LDLRAD4: variants seen among roughly 807,000 people sequenced by gnomAD.
LDLRAD4 encodes the protein low-density lipoprotein receptor class A domain-containing protein 4.
In LDLRAD4, 5 loss-of-function variants were observed where a neutral mutation model predicts 17.0. That is an observed-to-expected ratio of 0.29 (90% CI 0.15 to 0.62). The LOEUF is 0.62. Among genes scored for constraint, LDLRAD4 ranks in the 20% least tolerant of loss-of-function variants. The probability of loss-of-function intolerance (pLI) is 0.84; values close to 1 mark genes in which losing one functional copy is unlikely to be tolerated. For synonymous variants in LDLRAD4, 168 were observed against 171.8 expected (o/e 0.98, Z 0.17); for missense variants, 340 against 424.7 (o/e 0.80, Z 1.75).
chr18:13,553,310 G>T (rs915593235), intron 3 of LDLRAD4, among the ~76,000 whole-genome samples: 4 of 152,166 alleles, frequency 2.6e-5, no homozygotes, highest in Admixed American at 6.5e-5. Context: ...TCCAGCAGAA[G>T]GATCATTTTG....
chr18:13,376,127 A>T (rs2085047), intron 1 of LDLRAD4, among the ~76,000 whole-genome samples: 2 of 151,776 alleles, frequency 1.3e-5, no homozygotes, highest in African/African-American at 4.8e-5. Flanking sequence ...CTGTTGCGGG[A>T]AAGCTGCCCC....
chr18:13,321,717 G>A (rs1054889149), intron 1 of LDLRAD4, among the ~76,000 whole-genome samples: 3 of 151,748 alleles, frequency 2.0e-5, no homozygotes, highest in Admixed American at 6.6e-5. Context: ...AAAATTAGCC[G>A]TTGTGTGGTG....
intron 1 of LDLRAD4, among the ~76,000 whole-genome samples, chr18:13,351,601 G>T (rs962271838): frequency 1.3e-5 from 2 of 152,080 alleles, no homozygotes; most frequent in African/African-American, 4.8e-5. Context: ...CCAATAACAA[G>T]TTCTGAAATT....
intron 2 of LDLRAD4, among the ~76,000 whole-genome samples, chr18:13,394,697 G>A (rs2145372062): frequency 6.6e-6 from 1 of 152,334 alleles, no homozygotes; most frequent in Non-Finnish European, 1.5e-5. Flanking sequence ...CAGTTTGAAT[G>A]CTGGCTCTAC....
chr18:13,387,563 G>A (rs558352822), exon 2 of LDLRAD4: 23 of 660,176 alleles, frequency 3.5e-5, no homozygotes, highest in Admixed American at 1.4e-4. Flanking sequence ...CCGCCCGCCC[G>A]CGCGAGAGCC....
At chr18:13,571,036 C>T (rs2094682342) in intron 3 of LDLRAD4, among the ~76,000 whole-genome samples, 1 of 151,792 alleles carries the variant, frequency 6.6e-6, no homozygotes, top group Admixed American at 6.6e-5. Context: ...CCCAGGCTGG[C>T]CTCAAACTCC....
intron 1 of LDLRAD4, among the ~76,000 whole-genome samples, chr18:13,282,121 C>T (rs1247964141): frequency 6.6e-6 from 1 of 152,134 alleles, no homozygotes; most frequent in Non-Finnish European, 1.5e-5. Context: ...AAGACTGGCC[C>T]CCATGATTCA....
chr18:13,549,597 G>C lies in LDLRAD4; in HGVS notation c.182-71520G>C, dbSNP rs1405148296. ...GAATCTGAGTGTCTGAGCTGTGAGC[G>C]TGAAACATAGAAAGGCCGTGGCTAC... is the stretch of plus-strand genomic sequence containing the variant. On this transcript the variant is annotated intron_variant, in intron 3 of 5. Coordinates refer to ENST00000359446, the Ensembl canonical transcript of LDLRAD4. Among the ~76,000 whole-genome samples, 4 of 151,782 alleles carry C rather than the reference G, an allele frequency of 2.6e-5. No homozygotes were observed. In the East Asian group the frequency reaches 7.7e-4, roughly 29 times the overall value.
At chr18:13,641,285 A>T (rs2042526944) in intron 4 of LDLRAD4, among the ~76,000 whole-genome samples, 3 of 152,176 alleles carry the variant, frequency 2.0e-5, no homozygotes, top group Non-Finnish European at 4.4e-5. Flanking sequence ...GATGGATTAG[A>T]TGGATGGATA....
intron 1 of LDLRAD4, among the ~76,000 whole-genome samples, chr18:13,252,969 A>G (rs1881227258): frequency 6.6e-6 from 1 of 152,196 alleles, no homozygotes; most frequent in Non-Finnish European, 1.5e-5. Context: ...CTGTGAGCAG[A>G]TGGCATGAGA....
At chr18:13,255,656 A>T (rs1174405918) in intron 1 of LDLRAD4, among the ~76,000 whole-genome samples, 1 of 152,116 alleles carries the variant, frequency 6.6e-6, no homozygotes, top group Non-Finnish European at 1.5e-5. Flanking sequence ...GTCTCTGGGG[A>T]ATAGATCACG....
At chr18:13,441,932 C>T (rs930276795) in intron 3 of LDLRAD4, among the ~76,000 whole-genome samples, 81 of 152,252 alleles carry the variant, frequency 5.3e-4, no homozygotes, top group African/African-American at 1.7e-3. Context: ...GAGGTCTGGG[C>T]TGACATCCAT....
chr18:13,393,627 G>A (rs1568092575), intron 2 of LDLRAD4, among the ~76,000 whole-genome samples: 1 of 152,162 alleles, frequency 6.6e-6, no homozygotes, highest in African/African-American at 2.4e-5. Flanking sequence ...TCATGAGACC[G>A]TCTCCCTGCC....
At chr18:13,393,197 C>T (rs1462141281) in intron 2 of LDLRAD4, among the ~76,000 whole-genome samples, 1 of 152,172 alleles carries the variant, frequency 6.6e-6, no homozygotes, top group Non-Finnish European at 1.5e-5. Context: ...TCCAGAGCTG[C>T]CCAGAGAATG....
chr18:13,369,118 G>T (rs182623846), intron 1 of LDLRAD4, among the ~76,000 whole-genome samples: 1 of 152,226 alleles, frequency 6.6e-6, no homozygotes, highest in African/African-American at 2.4e-5. Flanking sequence ...ACTGGCTATG[G>T]GAGGACCGTG....
chr18:13,288,988 A>G (rs2045812444), intron 1 of LDLRAD4, among the ~76,000 whole-genome samples: 1 of 152,240 alleles, frequency 6.6e-6, no homozygotes, highest in South Asian at 2.1e-4. Flanking sequence ...GGCACTGTGG[A>G]AACAGCCTCA....
intron 3 of LDLRAD4, among the ~76,000 whole-genome samples, chr18:13,516,459 G>C (rs1257286968): frequency 5.3e-5 from 8 of 152,172 alleles, no homozygotes; most frequent in Non-Finnish European, 1.2e-4. Flanking sequence ...CTGTGCCTCT[G>C]AGGCCGTCGG....
In LDLRAD4 at chr18:13,421,830, A is replaced by G. The variant is rs77522980; in HGVS notation, c.41-16414A>G. Among the ~76,000 whole-genome samples, 742 of 152,294 alleles carry G rather than the reference A, an allele frequency of 4.9e-3. 10 individuals carry two copies. Among genetic ancestry groups the G allele is most frequent in the African/African-American group, 0.017 (704 of 41,572 alleles). Reference sequence around the variant, plus strand: ...CTGCAGGAAAAAACGTGCCCTTCAGAGTGCCAGAAAGCTAGCCTGGGGGAC... The same window carrying G: ...CTGCAGGAAAAAACGTGCCCTTCAGGGTGCCAGAAAGCTAGCCTGGGGGAC... On this transcript the variant is annotated intron_variant, in intron 2 of 5. Transcript: ENST00000359446.
chr18:13,597,211 A>C lies in LDLRAD4; in HGVS notation c.182-23906A>C, dbSNP rs547393209. 1.7e-4 allele frequency among the ~76,000 whole-genome samples: 26 copies of C among 152,284 alleles called. No homozygotes were observed. In the East Asian group the frequency reaches 4.8e-3, roughly 28 times the overall value. ...AAAATTCTTGGTTCACAGTCTTTTT[A>C]AATAAATTTCAGCATATCAAATATG... is the stretch of plus-strand genomic sequence containing the variant. On this transcript the variant is annotated intron_variant, in intron 3 of 5. Transcript: ENST00000359446.
Sources: allele counts gnomAD v4.1 joint callset (sites outside exome capture counted in the v4.1 genomes callset), GRCh38; gene constraint gnomAD v4.1.1; transcripts MANE v1.5; gene names NCBI Gene and HGNC (gene_info 2026-07-23, HGNC 2026-07-21).